Variants in KCNIP4 observed in about 807,000 individuals in gnomAD.
KCNIP4 encodes the protein Kv channel-interacting protein 4.
Under a neutral mutation model 34.0 loss-of-function variants are expected in KCNIP4, and 12 were observed. The observed-to-expected ratio is 0.35, with a 90% CI of 0.23 to 0.57. The LOEUF (loss-of-function observed/expected upper bound fraction) is 0.57, where lower values mean the gene tolerates loss of function less well. Ranked by LOEUF, KCNIP4 falls within the 20% of genes least tolerant of loss-of-function variation. The pLI is 0.83. For missense variants in KCNIP4, 238 were observed against 311.7 expected (o/e 0.76, Z 1.78); for synonymous variants, 124 against 102.2 (o/e 1.21, Z -1.29).
chr4:21,834,293 G>C (rs1272816231), intron 1 of KCNIP4, among the ~76,000 whole-genome samples: 3 of 152,072 alleles, frequency 2.0e-5, no homozygotes, highest in Non-Finnish European at 1.5e-5. Context: ...AGTTCTCCTT[G>C]AAGAGGTCCT....
At chr4:21,441,484 C>A (rs1003412456) in intron 1 of KCNIP4, among the ~76,000 whole-genome samples, 2 of 152,048 alleles carry the variant, frequency 1.3e-5, no homozygotes, top group East Asian at 1.9e-4. Context: ...TGTTCACTCA[C>A]AAGAGTCCTA....
At chr4:20,977,263 A>C (rs1444909639) in intron 1 of KCNIP4, among the ~76,000 whole-genome samples, 3 of 152,176 alleles carry the variant, frequency 2.0e-5, no homozygotes, top group Non-Finnish European at 2.9e-5. Context: ...CAAGTTACCC[A>C]ATCACAGCAT....
chr4:20,856,699 G>A (rs562687109), intron 2 of KCNIP4, among the ~76,000 whole-genome samples: 211 of 152,210 alleles, frequency 1.4e-3, no homozygotes, highest in African/African-American at 4.8e-3. Flanking sequence ...ATATTTTTCA[G>A]ACTGAAATTT....
intron 1 of KCNIP4, among the ~76,000 whole-genome samples, chr4:21,323,619 T>C (rs976898472): frequency 2.0e-5 from 3 of 152,122 alleles, no homozygotes; most frequent in African/African-American, 7.2e-5. Flanking sequence ...GGCTGAGTAG[T>C]ACTCCATTGT....
At chr4:21,322,653 G>A (rs1714625663) in intron 1 of KCNIP4, among the ~76,000 whole-genome samples, 1 of 151,958 alleles carries the variant, frequency 6.6e-6, no homozygotes, top group African/African-American at 2.4e-5. Context: ...ATGGTGACAT[G>A]GTGAAAAGGG....
At chr4:21,359,922 C>T (rs985439408) in intron 1 of KCNIP4, among the ~76,000 whole-genome samples, 1 of 152,024 alleles carries the variant, frequency 6.6e-6, no homozygotes, top group African/African-American at 2.4e-5. Context: ...ACTGAATTAC[C>T]AGCCACTAAC....
chr4:21,407,118 T>C (rs1444880762), intron 1 of KCNIP4, among the ~76,000 whole-genome samples: 1 of 152,052 alleles, frequency 6.6e-6, no homozygotes, highest in East Asian at 1.9e-4. Context: ...CCTCTCATCT[T>C]TTCTGTGTTT....
chr4:21,436,418 T>G (rs1200065200), intron 1 of KCNIP4, among the ~76,000 whole-genome samples: 1 of 152,232 alleles, frequency 6.6e-6, no homozygotes, highest in East Asian at 1.9e-4. Context: ...TTACTTCCCA[T>G]TGATATCTAA....
At position 21,159,579 on chromosome 4, in the gene KCNIP4, T is replaced by A. The variant is rs1295785228; in HGVS notation, c.62-276870A>T. ...CGCGAGCCGAAGCAGGGCGAGGCAT[T>A]GCCTCACCTGGGAAGCGCAAGGGGT... On this transcript the variant is annotated intron_variant, in intron 1 of 8. Coordinates refer to ENST00000382152, the MANE Select transcript of KCNIP4 (RefSeq NM_025221.6). Among the ~76,000 whole-genome samples the A allele has an allele frequency of 3.4e-4, 13 of 37,894 alleles. 2 individuals carry two copies. The highest frequency in any genetic ancestry group is 1.8e-3 in the Admixed American group (8 of 4,398). The allele number at this position is 37,894 out of a possible 152,430, so 24.9% of individuals were successfully genotyped here.
rs192906746 is a variant in KCNIP4 at position 21,454,136 on chromosome 4, C to T, written c.61+494435G>A. ...TGCCTCAGAATCTCACAGGGTAAGG[C>T]ACCTCTATCATTAAGCTAAAAATCC... is the stretch of plus-strand genomic sequence containing the variant. On this transcript the variant is annotated intron_variant, in intron 1 of 8. Coordinates refer to ENST00000382152, the MANE Select transcript of KCNIP4 (RefSeq NM_025221.6). Among the ~76,000 whole-genome samples, 59 of 152,128 alleles carry T rather than the reference C, an allele frequency of 3.9e-4. No homozygotes were observed. The East Asian group carries it at 0.011, about 28-fold the overall frequency.
intron 1 of KCNIP4, among the ~76,000 whole-genome samples, chr4:21,529,571 G>T (rs1577537469): frequency 6.6e-6 from 1 of 152,056 alleles, no homozygotes; most frequent in South Asian, 2.1e-4. Context: ...TTCAAAGAGG[G>T]TTTGTTATAA....
intron 1 of KCNIP4, among the ~76,000 whole-genome samples, chr4:21,343,762 A>G (rs1055621980): frequency 5.3e-5 from 8 of 152,124 alleles, no homozygotes; most frequent in Admixed American, 5.2e-4. Context: ...GTAGATTCCG[A>G]CGCAGGCTCT....
chr4:21,862,780 T>A (rs1725153573), intron 1 of KCNIP4, among the ~76,000 whole-genome samples: 1 of 152,060 alleles, frequency 6.6e-6, no homozygotes, highest in South Asian at 2.1e-4. Context: ...GAGACCACGG[T>A]GAAACCCTGT....
At chr4:21,469,504 A>G in intron 1 of KCNIP4, among the ~76,000 whole-genome samples, 1 of 152,204 alleles carries the variant, frequency 6.6e-6, no homozygotes, top group East Asian at 1.9e-4. Flanking sequence ...TCATCTTAAA[A>G]ACATGATTAC....
intron 1 of KCNIP4, among the ~76,000 whole-genome samples, chr4:21,360,825 C>T (rs1220929055): frequency 6.6e-6 from 1 of 152,050 alleles, no homozygotes; most frequent in Non-Finnish European, 1.5e-5. Flanking sequence ...CCTAAACGGT[C>T]ATGTTTAGAC....
chr4:21,544,356 G>A (rs1463989041), intron 1 of KCNIP4: 3 of 151,982 alleles, frequency 2.0e-5, no homozygotes, highest in African/African-American at 7.3e-5. Flanking sequence ...CAAAAATTGA[G>A]TAGTTTAAAA....
At chr4:21,904,243 A>G (rs1055698039) in intron 1 of KCNIP4, among the ~76,000 whole-genome samples, 1 of 152,170 alleles carries the variant, frequency 6.6e-6, no homozygotes, top group East Asian at 1.9e-4. Flanking sequence ...CTAAGAATCA[A>G]ATAGGTTCTA....
In KCNIP4 at chr4:21,227,880, G is replaced by A. The variant is rs1399930619; in HGVS notation, c.62-345171C>T. ...AGATCAACTATCCTTTATGTCAGGAGATGTACTAGTTTTATAGAACAGAGC... is the reference window on the plus strand; with the variant it reads ...AGATCAACTATCCTTTATGTCAGGAAATGTACTAGTTTTATAGAACAGAGC... On this transcript the variant is annotated intron_variant, in intron 1 of 8. Coordinates refer to ENST00000382152, the MANE Select transcript of KCNIP4 (RefSeq NM_025221.6). Among the ~76,000 whole-genome samples the A allele has an allele frequency of 2.0e-5, 3 of 152,122 alleles. No homozygotes were observed. The East Asian group carries it at 5.8e-4, about 29-fold the overall frequency.
intron 1 of KCNIP4, among the ~76,000 whole-genome samples, chr4:21,220,743 G>A (rs186323764): frequency 6.6e-6 from 1 of 152,184 alleles, no homozygotes; most frequent in East Asian, 1.9e-4. Context: ...TATTTTAGCT[G>A]CTGAATTAAG....
Sources: allele counts gnomAD v4.1 joint callset (sites outside exome capture counted in the v4.1 genomes callset), GRCh38; gene constraint gnomAD v4.1.1; transcripts MANE v1.5; gene names NCBI Gene and HGNC (gene_info 2026-07-23, HGNC 2026-07-21).